The following WDFY3 variants were observed in gnomAD, a reference collection of about 807,000 sequenced individuals.
The protein encoded by WDFY3 is WD repeat and FYVE domain-containing protein 3.
Under a neutral mutation model 409.6 loss-of-function variants are expected in WDFY3, and 66 were observed. The observed-to-expected ratio is 0.16, with a 90% CI of 0.13 to 0.20. WDFY3 has a LOEUF of 0.20. WDFY3 is among the 10% of genes least tolerant of loss of function. WDFY3 has a pLI of 1.00. For synonymous variants in WDFY3, 1,521 were observed against 1,537.1 expected, an observed-to-expected ratio of 0.99 and a Z score of 0.25; for missense variants, 3,031 against 4,298.1, an observed-to-expected ratio of 0.71 and a Z score of 8.24.
chr4:84,705,569 C>A (rs537861146), intron 53 of WDFY3, 58 bp from the exon 54 acceptor site: 15 of 1,340,284 alleles, frequency 1.1e-5, no homozygotes, highest in Admixed American at 3.5e-5. Flanking sequence ...GCCTCACTAA[C>A]GTAGATACAG....
At chr4:84,797,855 G>A (rs561194129) in intron 18 of WDFY3, 141 bp downstream of exon 18, 6 of 694,488 alleles carry the variant, frequency 8.6e-6, no homozygotes, top group Non-Finnish European at 1.3e-5. Flanking sequence ...ACAGGCGTGA[G>A]CCACCGCGCC....
Position 84,796,678 on chromosome 4 carries a change from T to A in WDFY3, c.3010A>T (p.Ile1004Leu), listed in dbSNP as rs760650745. The change falls in exon 19 of 68, where the codon ATA becomes TTA. Residue 1004 changes from isoleucine (I) to leucine (L), a missense_variant. By Grantham distance (5) the Ile-to-Leu change is conservative (BLOSUM62 2). Transcript: ENST00000295888. The stretch of plus-strand genomic sequence containing the variant: ...GCAGATTTTACCAGGCTCTTGCTTA[T>A]CCGGTAATGGTTATCTTCATGTAAG... ...FSLHEDNHYR[I>L]SKSLVKSAEG... 1.9e-6 allele frequency: 3 copies of A among 1,614,058 alleles called. No individual in the cohort carries two copies. In the South Asian group the frequency reaches 3.3e-5, roughly 18 times the overall value.
intron 3 of WDFY3, among the ~76,000 whole-genome samples, chr4:84,890,036 C>A (rs1351343247): frequency 1.3e-5 from 2 of 152,144 alleles, no homozygotes; most frequent in African/African-American, 4.8e-5. Flanking sequence ...AAGGTTTCCA[C>A]AGACTCCTAT....
intron 21 of WDFY3, among the ~76,000 whole-genome samples, chr4:84,791,480 C>T (rs1030568177): frequency 9.2e-5 from 14 of 152,046 alleles, no homozygotes; most frequent in African/African-American, 3.4e-4. Flanking sequence ...ATTTGCTCTA[C>T]AACACTGCAA....
intron 52 of WDFY3, 49 bp from the exon 53 acceptor site, chr4:84,709,077 T>G (rs1183798343): frequency 6.3e-7 from 1 of 1,595,970 alleles, no homozygotes; most frequent in African/African-American, 1.4e-5. Flanking sequence ...ATTTCCACTA[T>G]GTTCAGCTTT....
At chr4:84,905,683 C>T (rs1386655137) in intron 2 of WDFY3, among the ~76,000 whole-genome samples, 3 of 152,172 alleles carry the variant, frequency 2.0e-5, no homozygotes, top group Non-Finnish European at 4.4e-5. Context: ...TAAAACCCTT[C>T]GGTGGCTTTC....
At chr4:84,861,507 T>C (rs1760628083) in intron 3 of WDFY3, among the ~76,000 whole-genome samples, 1 of 152,130 alleles carries the variant, frequency 6.6e-6, no homozygotes, top group Admixed American at 6.5e-5. Context: ...CTATAAATCA[T>C]AAAAGGACAG....
chr4:84,720,936 G>A (rs1393069008), intron 47 of WDFY3, among the ~76,000 whole-genome samples: 1 of 152,216 alleles, frequency 6.6e-6, no homozygotes, highest in Admixed American at 6.5e-5. Flanking sequence ...GGTCAGCAGG[G>A]TATTGGAGGT....
intron 56 of WDFY3, among the ~76,000 whole-genome samples, chr4:84,700,075 T>C (rs914484033): frequency 2.6e-5 from 4 of 152,148 alleles, no homozygotes; most frequent in African/African-American, 9.7e-5. Flanking sequence ...CAATTTATCT[T>C]TTGTTGTTGT....
intron 8 of WDFY3, among the ~76,000 whole-genome samples, chr4:84,829,851 T>TAAATAAATA (rs1560868593): frequency 1.9e-4 from 11 of 58,162 alleles, no homozygotes; most frequent in East Asian, 4.6e-4. Flanking sequence ...ATAAATAAAT[T>TAAATAAATA]AGAGAGACTA....
chr4:84,837,128 A>T (rs764661579), intron 6 of WDFY3, 38 bp from the exon 7 acceptor site: 18 of 1,426,232 alleles, frequency 1.3e-5, no homozygotes, highest in Non-Finnish European at 1.7e-5. Context: ...ATAGATAGAC[A>T]CAACTATAAT....
intron 23 of WDFY3, 138 bp from the exon 24 acceptor site, chr4:84,786,277 T>C (rs974332851): frequency 5.3e-6 from 4 of 755,408 alleles, no homozygotes; most frequent in African/African-American, 1.8e-5. Flanking sequence ...TTAAAAACTA[T>C]CTTCTCAGCT....
intron 48 of WDFY3, among the ~76,000 whole-genome samples, chr4:84,717,247 G>C (rs1437567192): frequency 6.6e-6 from 1 of 152,084 alleles, no homozygotes; most frequent in Non-Finnish European, 1.5e-5. Flanking sequence ...TCAGGACCAA[G>C]TTATCTACCA....
intron 7 of WDFY3, among the ~76,000 whole-genome samples, chr4:84,833,455 T>A (rs964241797): frequency 6.6e-6 from 1 of 152,032 alleles, no homozygotes; most frequent in Non-Finnish European, 1.5e-5. Flanking sequence ...GGTAGGCAGA[T>A]TACTTGAGTC....
At position 84,904,840 on chromosome 4, in the gene WDFY3, A is replaced by T. The variant is rs189763992; in HGVS notation, c.-131-7830T>A. 3.9e-5 allele frequency among the ~76,000 whole-genome samples: 6 copies of T among 152,362 alleles called. No individual in the cohort carries two copies. In the East Asian group the frequency reaches 1.2e-3, roughly 29 times the overall value. On this transcript the variant is annotated intron_variant, in intron 2 of 67. Transcript: ENST00000295888. ...GACGTCTCCATTTGGTCACTTACAGATGTCACAAAAGTAACAAGTTCAAAA... is the reference window on the plus strand; with the variant it reads ...GACGTCTCCATTTGGTCACTTACAGTTGTCACAAAAGTAACAAGTTCAAAA...
chr4:84,945,384 T>G (rs939945060), intron 1 of WDFY3, among the ~76,000 whole-genome samples: 1 of 152,200 alleles, frequency 6.6e-6, no homozygotes, highest in Non-Finnish European at 1.5e-5. Context: ...CTTTTCACTA[T>G]AAGAAACACC....
Position 84,677,297 on chromosome 4 carries a change from C to T in WDFY3, c.10359G>A (p.Lys3453=), listed in dbSNP as rs1726454331. The T allele has an allele frequency of 1.2e-6, 2 of 1,614,246 alleles. No homozygotes were observed. The highest frequency in any genetic ancestry group is 1.3e-5 in the African/African-American group (1 of 75,074). Residue 3453 remains lysine (K), a synonymous_variant, in exon 67 of 68, where the codon AAG becomes AAA. Coordinates refer to ENST00000295888, the MANE Select transcript of WDFY3 (RefSeq NM_014991.6). ...PGRSAADHWV[K]DEGGDSCSGC... is the part of the protein sequence containing the mutation. ...CTGAGCAGCTGTCACCACCTTCATC[C>T]TTCACCCAGTGATCAGCAGCAGAAC...
At chr4:84,717,719 A>G (rs562288957) in intron 48 of WDFY3, among the ~76,000 whole-genome samples, 3 of 152,300 alleles carry the variant, frequency 2.0e-5, no homozygotes, top group African/African-American at 7.2e-5. Context: ...CTAATGCTTT[A>G]GTCATGCTGT....
intron 12 of WDFY3, among the ~76,000 whole-genome samples, chr4:84,819,198 G>A (rs1454083573): frequency 6.6e-6 from 1 of 151,904 alleles, no homozygotes. Flanking sequence ...CTAATTCCCA[G>A]GGAGCAAGAA....
Sources: gnomAD v4.1 joint callset for allele counts (sites outside exome capture counted in the v4.1 genomes callset) on GRCh38, gnomAD v4.1.1 for gene constraint, MANE v1.5 for transcripts, NCBI Gene and HGNC (gene_info 2026-07-23, HGNC 2026-07-21) for gene names.